Variants in PLEKHA5 observed in about 807,000 individuals in gnomAD.
PLEKHA5 encodes pleckstrin homology domain containing A5, also known as pleckstrin homology domain-containing family A member 5.
Under a neutral mutation model 181.9 loss-of-function variants are expected in PLEKHA5, and 55 were observed. The observed-to-expected ratio is 0.30, with a 90% confidence interval of 0.24 to 0.38. The LOEUF (loss-of-function observed/expected upper bound fraction) is 0.38. PLEKHA5 is among the 10% of genes least tolerant of loss of function. PLEKHA5 has a pLI of 1.00. For missense variants in PLEKHA5, 1,432 were observed against 1,549.5 expected (o/e 0.92, Z 1.27); for synonymous variants, 535 against 529.4 (o/e 1.01, Z -0.15).
intron 20 of PLEKHA5, among the ~76,000 whole-genome samples, chr12:19,330,725 A>C (rs2092755478): frequency 6.6e-6 from 1 of 152,186 alleles, no homozygotes; most frequent in African/African-American, 2.4e-5. Flanking sequence ...ACTGCTTCTA[A>C]TACCAGTTGG....
At chr12:19,251,065 A>G (rs1245269374) in intron 3 of PLEKHA5, among the ~76,000 whole-genome samples, 1 of 152,172 alleles carries the variant, frequency 6.6e-6, no homozygotes, top group Non-Finnish European at 1.5e-5. Flanking sequence ...GGGTTTCAGC[A>G]TGTGAATTAT....
intron 3 of PLEKHA5, among the ~76,000 whole-genome samples, chr12:19,203,413 C>T (rs941891454): frequency 3.9e-5 from 6 of 152,100 alleles, no homozygotes; most frequent in East Asian, 1.9e-4. Context: ...TGTTGACAGC[C>T]GTCACTTTCT....
intron 21 of PLEKHA5, 77 bp downstream of exon 21, chr12:19,336,693 G>A (rs542571764): frequency 3.6e-5 from 28 of 774,894 alleles, no homozygotes; most frequent in East Asian, 8.3e-5. Flanking sequence ...TTAGATTTAC[G>A]CATACCCATA....
chr12:19,343,729 G>C (rs1303226363), intron 22 of PLEKHA5, among the ~76,000 whole-genome samples: 1 of 152,134 alleles, frequency 6.6e-6, no homozygotes, highest in African/African-American at 2.4e-5. Context: ...GTTACACTCT[G>C]ACATGAGGGC....
chr12:19,332,135 A>G (rs1039317880), intron 20 of PLEKHA5, among the ~76,000 whole-genome samples: 19 of 151,762 alleles, frequency 1.3e-4, no homozygotes, highest in Admixed American at 7.2e-4. Context: ...TTATCTGGAC[A>G]TGGTGGTGCA....
intron 8 of PLEKHA5, among the ~76,000 whole-genome samples, chr12:19,269,463 A>C (rs1241377990): frequency 6.6e-6 from 1 of 150,558 alleles, no homozygotes; most frequent in Non-Finnish European, 1.5e-5. Flanking sequence ...TGGAAGAGGC[A>C]CCACTAAGTA....
chr12:19,162,252 A>G (rs2043134196), intron 3 of PLEKHA5, among the ~76,000 whole-genome samples: 1 of 152,148 alleles, frequency 6.6e-6, no homozygotes, highest in South Asian at 2.1e-4. Flanking sequence ...AGTGGATAGT[A>G]GAGATAACAC....
At position 19,130,031 on chromosome 12, in the gene PLEKHA5, C is replaced by A; in HGVS notation, c.90-20C>A. On this transcript the variant is annotated intron_variant, in intron 1 of 31. Transcript: ENST00000429027. This position sits in a 1 kb window ranked among gnomAD's most constrained non-coding sequence, Gnocchi z 4.5. ...GTCCCCTCTCACGCTCCGTGTCTGC[C>A]CCTTCTCTCACCCCTGCAGCGAGGA... The A allele has an allele frequency of 6.4e-7, 1 of 1,565,578 alleles. No homozygotes were observed. The highest frequency in any genetic ancestry group is 8.7e-7 in the Non-Finnish European group (1 of 1,153,086).
chr12:19,276,354 T>C (rs2152746732), intron 11 of PLEKHA5, among the ~76,000 whole-genome samples: 1 of 152,306 alleles, frequency 6.6e-6, no homozygotes, highest in South Asian at 2.1e-4. Flanking sequence ...ACAAGTCTAG[T>C]TGATTGCTTT....
At chr12:19,243,388 C>G (rs1359608603) in intron 3 of PLEKHA5, 2 of 152,186 alleles carry the variant, frequency 1.3e-5, no homozygotes, top group Admixed American at 6.5e-5. Flanking sequence ...ATAATAACAC[C>G]TACCTCAAAT....
At chr12:19,259,477 G>A (rs1476427913) in intron 6 of PLEKHA5, among the ~76,000 whole-genome samples, 1 of 152,080 alleles carries the variant, frequency 6.6e-6, no homozygotes, top group African/African-American at 2.4e-5. Flanking sequence ...ATGGCTGGGT[G>A]TGATGGCTCA....
In PLEKHA5 at chr12:19,202,526, ATGTG is replaced by A. The variant is rs147219193; in HGVS notation, c.228-51404_228-51401del. 1.3e-5 allele frequency among the ~76,000 whole-genome samples: 2 copies of A among 151,940 alleles called. 1 individual carries two copies. The highest frequency in any genetic ancestry group is 1.3e-4 in the Admixed American group (2 of 15,220). ...TGAAAGGTTTCTGGACCCTGAGAGT[ATGTG>A]TGTGTGTGTTCTCCAGCTTCACAAA... On this transcript the variant is annotated intron_variant, in intron 3 of 31. Transcript: ENST00000429027.
chr12:19,354,065 G>T (rs2094762020), intron 26 of PLEKHA5, 63 bp downstream of exon 26: 13 of 508,740 alleles, frequency 2.6e-5, no homozygotes, highest in South Asian at 1.2e-4. Context: ...TTTCTTACAT[G>T]TTTTCATTTT....
intron 15 of PLEKHA5, among the ~76,000 whole-genome samples, chr12:19,314,568 T>C (rs2087825456): frequency 6.6e-6 from 1 of 152,202 alleles, no homozygotes; most frequent in Non-Finnish European, 1.5e-5. Context: ...CATGATTATA[T>C]GTATGAAGTA....
At chr12:19,144,717 A>G (rs2038429342) in intron 3 of PLEKHA5, among the ~76,000 whole-genome samples, 1 of 152,220 alleles carries the variant, frequency 6.6e-6, no homozygotes, top group Admixed American at 6.5e-5. Context: ...TCAGTGGGAA[A>G]GCATATTGTG....
chr12:19,354,028 AG>A, intron 26 of PLEKHA5, 26 bp downstream of exon 26: 16 of 1,105,612 alleles, frequency 1.4e-5, no homozygotes, highest in Non-Finnish European at 1.9e-5. Context: ...TTAATCTTCT[AG>A]GAAGATTCTC....
chr12:19,251,063 G>T (rs548291431), intron 3 of PLEKHA5, among the ~76,000 whole-genome samples: 3 of 152,266 alleles, frequency 2.0e-5, no homozygotes, highest in African/African-American at 7.2e-5. Flanking sequence ...AAGGGTTTCA[G>T]CATGTGAATT....
intron 3 of PLEKHA5, among the ~76,000 whole-genome samples, chr12:19,218,572 G>A (rs962304361): frequency 1.3e-5 from 2 of 152,042 alleles, no homozygotes; most frequent in Non-Finnish European, 2.9e-5. Context: ...ATAAATTCAT[G>A]ATCTTTGTAG....
At chr12:19,290,060 A>G (rs972817779) in intron 13 of PLEKHA5, among the ~76,000 whole-genome samples, 4 of 151,982 alleles carry the variant, frequency 2.6e-5, no homozygotes, top group African/African-American at 7.2e-5. Flanking sequence ...CTCCTGCCTC[A>G]GCCTCCCGAG....
Sources: allele counts gnomAD v4.1 joint callset (sites outside exome capture counted in the v4.1 genomes callset), GRCh38; gene constraint gnomAD v4.1.1; non-coding constraint Gnocchi (gnomAD v3.1); transcripts MANE v1.5; gene names NCBI Gene and HGNC (gene_info 2026-07-23, HGNC 2026-07-21).